CAST: variants seen among roughly 807,000 people sequenced by gnomAD.
CAST encodes calpastatin, also known as MIR583 host.
CAST carries 76 observed loss-of-function variants against 119.6 expected under a neutral mutation model. That is an observed-to-expected ratio of 0.64 (90% CI 0.53 to 0.77). The LOEUF (loss-of-function observed/expected upper bound fraction) is 0.77, where lower values mean the gene tolerates loss of function less well. Ranked by LOEUF, CAST falls within the 30% of genes least tolerant of loss-of-function variation. The probability of loss-of-function intolerance (pLI) is 0.00; values close to 1 mark genes in which losing one functional copy is unlikely to be tolerated. For missense variants in CAST, 953 were observed against 946.5 expected (o/e 1.01, Z -0.09); for synonymous variants, 319 against 331.6 (o/e 0.96, Z 0.41).
the CAST span, among the ~76,000 whole-genome samples, chr5:96,456,971 G>A: frequency 7.9e-5 from 12 of 152,150 alleles, no homozygotes; most frequent in Non-Finnish European, 1.6e-4. Context: ...CTTCTGCCAT[G>A]ATTGTAAGTT....
chr5:96,743,570 G>C (rs1350275926), intron 16 of CAST: 1 of 1,584,836 alleles, frequency 6.3e-7, no homozygotes, highest in South Asian at 1.1e-5. Flanking sequence ...ATCAGGGAAG[G>C]GGAGTCTCCC....
chr5:96,654,972 T>C (rs1307664535), intron 1 of CAST, among the ~76,000 whole-genome samples: 4 of 152,182 alleles, frequency 2.6e-5, no homozygotes, highest in Non-Finnish European at 4.4e-5. Flanking sequence ...AAAACCAAAA[T>C]AGAATTACCC....
chr5:96,651,756 ATT>A (rs1410059069), intron 1 of CAST, among the ~76,000 whole-genome samples: 2 of 152,110 alleles, frequency 1.3e-5, no homozygotes, highest in Non-Finnish European at 2.9e-5. Flanking sequence ...ATTCTGTAAA[ATT>A]TGGTTTCTAT....
chr5:96,365,404 G>C, the CAST span, among the ~76,000 whole-genome samples: 11 of 152,156 alleles, frequency 7.2e-5, no homozygotes, highest in Admixed American at 7.2e-4. Context: ...TCGTTGATCT[G>C]TCTAATGTTG....
At chr5:96,081,755 TG>T in the CAST span, among the ~76,000 whole-genome samples, 8 of 152,208 alleles carry the variant, frequency 5.3e-5, no homozygotes, top group African/African-American at 1.9e-4. Context: ...TTCTACAGCC[TG>T]GAGAAATGGA....
chr5:96,542,528 A>G (rs1745933072), intron 1 of CAST, among the ~76,000 whole-genome samples: 1 of 152,110 alleles, frequency 6.6e-6, no homozygotes, highest in African/African-American at 2.4e-5. Context: ...TCTTTTAATG[A>G]CAAATGATTT....
chr5:96,508,666 A>G, the CAST span, among the ~76,000 whole-genome samples: 4 of 152,170 alleles, frequency 2.6e-5, no homozygotes, highest in Non-Finnish European at 5.9e-5. Context: ...GCATGGGGTT[A>G]GAGAGGCGCT....
chr5:96,616,725 G>GCTCTCTCTCTCT (rs1482470800), intron 1 of CAST, among the ~76,000 whole-genome samples: 1 of 138,246 alleles, frequency 7.2e-6, no homozygotes, highest in African/African-American at 2.9e-5. Context: ...CCAAGCGCTC[G>GCTCTCTCTCTCT]CTCGCTCTCT....
At chr5:96,394,102 T>C in the CAST span, among the ~76,000 whole-genome samples, 8 of 152,246 alleles carry the variant, frequency 5.3e-5, no homozygotes, top group Admixed American at 4.6e-4. Flanking sequence ...TTCTTGAATA[T>C]GTACTTTGCC....
the CAST span, among the ~76,000 whole-genome samples, chr5:96,126,008 G>C: frequency 6.6e-6 from 1 of 152,056 alleles, no homozygotes; most frequent in African/African-American, 2.4e-5. Flanking sequence ...TATGATTCTT[G>C]CTTTCTTTGC....
intron 1 of CAST, among the ~76,000 whole-genome samples, chr5:96,598,774 T>G (rs941942579): frequency 2.0e-5 from 3 of 152,166 alleles, no homozygotes; most frequent in Non-Finnish European, 4.4e-5. Flanking sequence ...CCCTCCCCAG[T>G]GTGGATGGCC....
chr5:96,722,683 T>C lies in CAST; in HGVS notation c.255T>C (p.Asn85=). The C allele has an allele frequency of 6.2e-7, 1 of 1,612,628 alleles. No individual in the cohort carries two copies. The highest frequency in any genetic ancestry group is 8.5e-7 in the Non-Finnish European group (1 of 1,178,618). ...CAACCAGCAAGTCTTCCAGTATGAA[T>C]CCCACAGAAACCAAGGTATGAAGAA... ...SGATSKSSSM[N]PTETKAIPVS... The change falls in exon 4 of 32, where the codon AAT becomes AAC. Residue 85 remains asparagine (N), a synonymous_variant. Coordinates refer to ENST00000675179, the MANE Select transcript of CAST (RefSeq NM_001750.7).
the CAST span, among the ~76,000 whole-genome samples, chr5:96,280,228 T>G: frequency 6.6e-6 from 1 of 152,210 alleles, no homozygotes; most frequent in Non-Finnish European, 1.5e-5. Context: ...CATTCTCTGG[T>G]ACTCAACGTT....
the CAST span, among the ~76,000 whole-genome samples, chr5:96,116,946 T>C: frequency 6.6e-6 from 1 of 152,216 alleles, no homozygotes; most frequent in Non-Finnish European, 1.5e-5. Context: ...TCATTCCTTC[T>C]TGACTACTTT....
the CAST span, among the ~76,000 whole-genome samples, chr5:96,209,767 C>T: frequency 6.8e-6 from 1 of 146,484 alleles, no homozygotes; most frequent in African/African-American, 2.5e-5. Flanking sequence ...TATATTTTTC[C>T]TTTTATGTCA....
chr5:96,482,521 T>G, the CAST span, among the ~76,000 whole-genome samples: 1 of 151,914 alleles, frequency 6.6e-6, no homozygotes, highest in Non-Finnish European at 1.5e-5. Flanking sequence ...AGTGCCTTGA[T>G]ATATAGATAC....
chr5:96,275,014 A>G, the CAST span, among the ~76,000 whole-genome samples: 1 of 152,188 alleles, frequency 6.6e-6, no homozygotes, highest in African/African-American at 2.4e-5. Context: ...AGGGGAGATG[A>G]GGATCTGTTT....
At chr5:96,250,334 G>T in the CAST span, among the ~76,000 whole-genome samples, 1 of 152,062 alleles carries the variant, frequency 6.6e-6, no homozygotes, top group Non-Finnish European at 1.5e-5. Flanking sequence ...ATTCATCAGG[G>T]CCCCAGGACC....
chr5:96,140,775 T>C, the CAST span, among the ~76,000 whole-genome samples: 1 of 152,210 alleles, frequency 6.6e-6, no homozygotes, highest in Non-Finnish European at 1.5e-5. Flanking sequence ...CTCATCACCA[T>C]GACACATAAG....
Sources: allele counts gnomAD v4.1 joint callset (sites outside exome capture counted in the v4.1 genomes callset), GRCh38; gene constraint gnomAD v4.1.1; transcripts MANE v1.5; gene names NCBI Gene and HGNC (gene_info 2026-07-23, HGNC 2026-07-21).